The following ZNF804B variants were observed in gnomAD, a reference collection of about 807,000 sequenced individuals.
The protein encoded by ZNF804B is zinc finger 804B.
Under a neutral mutation model 101.4 loss-of-function variants are expected in ZNF804B, and 80 were observed. The observed-to-expected ratio is 0.79, with a 90% confidence interval of 0.66 to 0.95. The LOEUF (loss-of-function observed/expected upper bound fraction) is 0.95. Ranked by LOEUF, ZNF804B falls within the 40% of genes least tolerant of loss-of-function variation. The pLI, the probability that ZNF804B is intolerant of heterozygous loss-of-function variation, is 0.00. For synonymous variants in ZNF804B, 622 were observed against 558.8 expected, an observed-to-expected ratio of 1.11 and a Z score of -1.59; for missense variants, 1,673 against 1,561.9, an observed-to-expected ratio of 1.07 and a Z score of -1.20.
At chr7:89,108,995 G>T (rs1040070547) in intron 1 of ZNF804B, among the ~76,000 whole-genome samples, 17 of 152,072 alleles carry the variant, frequency 1.1e-4, no homozygotes, top group African/African-American at 4.1e-4. Context: ...ATTAGTATTG[G>T]AGGGGAAAAA....
intron 1 of ZNF804B, among the ~76,000 whole-genome samples, chr7:89,011,463 T>C (rs1788461199): frequency 6.6e-6 from 1 of 152,180 alleles, no homozygotes; most frequent in Admixed American, 6.5e-5. Flanking sequence ...AAATGTCTCA[T>C]CTGAGACAAG....
chr7:88,870,156 A>G (rs199909683), intron 1 of ZNF804B, among the ~76,000 whole-genome samples: 14 of 150,680 alleles, frequency 9.3e-5, no homozygotes, highest in African/African-American at 2.9e-4. Context: ...GGAGGCCGAG[A>G]CGGGCGGATC....
intron 1 of ZNF804B, among the ~76,000 whole-genome samples, chr7:89,134,804 G>A (rs185995392): frequency 3.1e-4 from 46 of 150,074 alleles, no homozygotes; most frequent in Non-Finnish European, 6.2e-4. Context: ...TTAATTTTAT[G>A]TATAACCAAA....
intron 1 of ZNF804B, among the ~76,000 whole-genome samples, chr7:89,079,017 A>C (rs1458894434): frequency 6.6e-6 from 1 of 152,036 alleles, no homozygotes; most frequent in African/African-American, 2.4e-5. Flanking sequence ...TAATTTTTAA[A>C]ATCCATAACT....
At chr7:88,970,152 TGACAGTA>T (rs1299829808) in intron 1 of ZNF804B, among the ~76,000 whole-genome samples, 1 of 151,630 alleles carries the variant, frequency 6.6e-6, no homozygotes, top group Non-Finnish European at 1.5e-5. Flanking sequence ...CTGTTTTCAA[TGACAGTA>T]GACATTTAAG....
Position 88,889,139 on chromosome 7 carries a change from A to C in ZNF804B, c.108+129055A>C, listed in dbSNP as rs80285238. Among the ~76,000 whole-genome samples the C allele has an allele frequency of 8.5e-3, 1,292 of 152,262 alleles. 14 individuals are homozygous for C. Among genetic ancestry groups the C allele is most frequent in the Middle Eastern group, 0.024 (7 of 294 alleles). On this transcript the variant is annotated intron_variant, in intron 1 of 3. Coordinates refer to ENST00000333190, the MANE Select transcript of ZNF804B (RefSeq NM_181646.5). Reference sequence around the variant, plus strand: ...TGGTTTCATTCTTTTTTATGACTACATAGTATTCTTCCATGGTGTATATAT... The same window carrying C: ...TGGTTTCATTCTTTTTTATGACTACCTAGTATTCTTCCATGGTGTATATAT...
At chr7:88,760,478 A>T (rs1247934116) in intron 1 of ZNF804B, among the ~76,000 whole-genome samples, 2 of 152,210 alleles carry the variant, frequency 1.3e-5, no homozygotes, top group Non-Finnish European at 2.9e-5. Context: ...AGTTGAGATT[A>T]GTTTAATAAT....
At chr7:88,962,706 C>A (rs1793402734) in intron 1 of ZNF804B, among the ~76,000 whole-genome samples, 1 of 61,890 alleles carries the variant, frequency 1.6e-5, no homozygotes, top group Non-Finnish European at 3.3e-5. Context: ...TTGTTAAACT[C>A]ACATATATAT....
chr7:88,979,764 G>A (rs1460558472), intron 1 of ZNF804B, among the ~76,000 whole-genome samples: 1 of 151,562 alleles, frequency 6.6e-6, no homozygotes, highest in African/African-American at 2.4e-5. Context: ...TCTATGTTTG[G>A]AAAGTTCTCT....
chr7:88,817,203 G>A (rs1452730884), intron 1 of ZNF804B, among the ~76,000 whole-genome samples: 2 of 152,134 alleles, frequency 1.3e-5, no homozygotes, highest in African/African-American at 4.8e-5. Flanking sequence ...GACACAAGAA[G>A]GGGAACATCA....
chr7:89,215,140 A>G (rs1045261157), intron 1 of ZNF804B, among the ~76,000 whole-genome samples: 2 of 152,160 alleles, frequency 1.3e-5, no homozygotes, highest in Non-Finnish European at 2.9e-5. Flanking sequence ...TTAGCACCTT[A>G]GAGGTAAGAA....
At chr7:88,825,709 A>G (rs1271750398) in intron 1 of ZNF804B, among the ~76,000 whole-genome samples, 1 of 152,126 alleles carries the variant, frequency 6.6e-6, no homozygotes, top group Non-Finnish European at 1.5e-5. Flanking sequence ...GACTCCTCAC[A>G]TCTTTCCCAG....
In ZNF804B at chr7:88,975,077, A is replaced by G. The variant is rs1013905363; in HGVS notation, c.108+214993A>G. Among the ~76,000 whole-genome samples, 6 of 151,524 alleles carry G rather than the reference A, an allele frequency of 4.0e-5. No individual in the cohort carries two copies. In the South Asian group the frequency reaches 1.0e-3, roughly 26 times the overall value. On this transcript the variant is annotated intron_variant, in intron 1 of 3. Transcript: ENST00000333190. ...TATTTCACTTAAAATAATGTCTTCCAGTTCTATCCATTTCGTTGCAGATGA... is the reference window on the plus strand; with the variant it reads ...TATTTCACTTAAAATAATGTCTTCCGGTTCTATCCATTTCGTTGCAGATGA...
intron 2 of ZNF804B, among the ~76,000 whole-genome samples, chr7:89,224,219 C>A (rs1789046945): frequency 6.6e-6 from 1 of 151,960 alleles, no homozygotes; most frequent in African/African-American, 2.4e-5. Context: ...ACTTTGAAAC[C>A]CTCCACATGT....
At chr7:89,015,580 TGC>T (rs1788538458) in intron 1 of ZNF804B, among the ~76,000 whole-genome samples, 1 of 150,708 alleles carries the variant, frequency 6.6e-6, no homozygotes, top group Admixed American at 6.6e-5. Context: ...AGTGAGAACA[TGC>T]AGTGTTTGGT....
chr7:89,155,310 TTTCCCTTTGCTGAATG>T (rs1312620394), intron 1 of ZNF804B, among the ~76,000 whole-genome samples: 2 of 152,154 alleles, frequency 1.3e-5, no homozygotes, highest in Non-Finnish European at 2.9e-5. Flanking sequence ...AGCTCAGATT[TTTCCCTTTGCTGAATG>T]TTCCACTTTC....
At chr7:88,931,103 G>A (rs1431890577) in intron 1 of ZNF804B, among the ~76,000 whole-genome samples, 1 of 151,884 alleles carries the variant, frequency 6.6e-6, no homozygotes, top group Non-Finnish European at 1.5e-5. Flanking sequence ...CAGTGAGTCA[G>A]TTTCATTGAC....
At chr7:89,311,139 A>C (rs575297548) in intron 2 of ZNF804B, among the ~76,000 whole-genome samples, 4 of 152,166 alleles carry the variant, frequency 2.6e-5, no homozygotes, top group Non-Finnish European at 4.4e-5. Context: ...CCTCACACAC[A>C]AAAAAATCCT....
chr7:88,766,587 G>T (rs922972778), intron 1 of ZNF804B, among the ~76,000 whole-genome samples: 1 of 152,094 alleles, frequency 6.6e-6, no homozygotes, highest in Non-Finnish European at 1.5e-5. Context: ...AAAGGGATAG[G>T]AATTGATGTT....
Sources: allele counts gnomAD v4.1 joint callset (sites outside exome capture counted in the v4.1 genomes callset), GRCh38; gene constraint gnomAD v4.1.1; transcripts MANE v1.5; gene names NCBI Gene and HGNC (gene_info 2026-07-23, HGNC 2026-07-21).